ARHGEF7: variants seen among roughly 807,000 people sequenced by gnomAD.
ARHGEF7 encodes the protein Rho guanine nucleotide exchange factor 7, also known as PAK-interacting exchange factor beta.
Under a neutral mutation model 109.8 loss-of-function variants are expected in ARHGEF7, and 33 were observed. The observed-to-expected ratio is 0.30, with a 90% confidence interval of 0.23 to 0.40. The LOEUF is 0.40. Among genes scored for constraint, ARHGEF7 ranks in the 10% least tolerant of loss-of-function variants. The pLI is 1.00. For missense variants in ARHGEF7, 938 were observed against 1,098.5 expected, an observed-to-expected ratio of 0.85 and a Z score of 2.07; for synonymous variants, 458 against 424.6, an observed-to-expected ratio of 1.08 and a Z score of -0.97.
At chr13:111,195,355 T>C (rs533250588) in intron 2 of ARHGEF7, among the ~76,000 whole-genome samples, 8 of 152,326 alleles carry the variant, frequency 5.3e-5, no homozygotes, top group Admixed American at 1.3e-4. Context: ...TGTGGGACTT[T>C]CAGGCATAAC....
chr13:111,212,696 G>A (rs1480656804), intron 4 of ARHGEF7, among the ~76,000 whole-genome samples: 3 of 152,174 alleles, frequency 2.0e-5, no homozygotes, highest in African/African-American at 4.8e-5. Flanking sequence ...ACCAGTCACC[G>A]AGTGTATTTC....
intron 1 of ARHGEF7, among the ~76,000 whole-genome samples, chr13:111,143,251 A>C (rs984625572): frequency 1.3e-5 from 2 of 152,198 alleles, no homozygotes; most frequent in Non-Finnish European, 2.9e-5. Context: ...CCGGCAGAGA[A>C]CAGACTGCTT....
intron 8 of ARHGEF7, among the ~76,000 whole-genome samples, chr13:111,253,632 T>C (rs78442452): frequency 0.015 from 2,216 of 152,234 alleles, 31 homozygotes; most frequent in Admixed American, 0.031. Context: ...GCTCTTGAAA[T>C]AGTGAGGGTG....
chr13:111,207,680 G>C (rs1284137978), intron 3 of ARHGEF7, among the ~76,000 whole-genome samples: 3 of 152,236 alleles, frequency 2.0e-5, no homozygotes, highest in African/African-American at 7.2e-5. Context: ...TTAGGACGAA[G>C]TGGCTTTAGA....
Position 111,255,996 on chromosome 13 carries a change from T to C in ARHGEF7, c.951-11552T>C, listed in dbSNP as rs2090375621. ...TCATTCGTTGTCTGGATCTTTTTAA[T>C]GTCGATATTTTAATTATTTTTTTCC... On this transcript the variant is annotated intron_variant, in intron 8 of 21. Coordinates refer to ENST00000646102, the MANE Select transcript of ARHGEF7 (RefSeq NM_001354046.2). This position sits in a 1 kb window ranked among gnomAD's most constrained non-coding sequence, Gnocchi z 4.1. 6.6e-6 allele frequency among the ~76,000 whole-genome samples: 1 copy of C among 152,254 alleles called. No homozygotes were observed. Among genetic ancestry groups the C allele is most frequent in the African/African-American group, 2.4e-5 (1 of 41,472 alleles).
chr13:111,205,819 C>T (rs2081761984), intron 3 of ARHGEF7, among the ~76,000 whole-genome samples: 2 of 152,080 alleles, frequency 1.3e-5, no homozygotes, highest in African/African-American at 4.8e-5. Context: ...CTGTCCAGGG[C>T]TCCTGAGGGC....
chr13:111,248,691 T>C (rs1040620621), intron 8 of ARHGEF7, among the ~76,000 whole-genome samples: 1 of 152,248 alleles, frequency 6.6e-6, no homozygotes, highest in African/African-American at 2.4e-5. Flanking sequence ...AGAATTTGTT[T>C]CGCTTAAAAA....
In ARHGEF7 at chr13:111,155,954, G is replaced by C. The variant is rs539388303; in HGVS notation, c.252+1963G>C. ...ACAAAAATTAGCCCGGCGTGGTGGC[G>C]TGCACCTGTAGTTCCAGTTACTCAG... On this transcript the variant is annotated intron_variant, in intron 2 of 21. Transcript: ENST00000646102. Among the ~76,000 whole-genome samples, 122 of 152,046 alleles carry C rather than the reference G, an allele frequency of 8.0e-4. 1 individual carries two copies. Among genetic ancestry groups the C allele is most frequent in the African/African-American group, 2.8e-3 (117 of 41,456 alleles).
intron 1 of ARHGEF7, among the ~76,000 whole-genome samples, chr13:111,134,357 G>A (rs1354897981): frequency 6.6e-6 from 1 of 152,200 alleles, no homozygotes; most frequent in Admixed American, 6.5e-5. Context: ...AGATCCCTGA[G>A]GAATTGCCAC....
intron 5 of ARHGEF7, among the ~76,000 whole-genome samples, chr13:111,220,663 G>A (rs2083718561): frequency 1.3e-5 from 2 of 152,148 alleles, no homozygotes; most frequent in Admixed American, 6.5e-5. Context: ...CCGCTTTTGA[G>A]TGGACTGTGG....
chr13:111,224,360 G>A (rs946130751), intron 5 of ARHGEF7, among the ~76,000 whole-genome samples: 7 of 152,220 alleles, frequency 4.6e-5, no homozygotes, highest in Non-Finnish European at 5.9e-5. Flanking sequence ...TGGCACACAC[G>A]GTTAGCAGCT....
chr13:111,134,003 C>T (rs1010831969), intron 1 of ARHGEF7, among the ~76,000 whole-genome samples: 2 of 148,948 alleles, frequency 1.3e-5, no homozygotes, highest in Non-Finnish European at 3.0e-5. Flanking sequence ...CTTCCTGTGT[C>T]CAAGTGTTCT....
At chr13:111,137,115 C>T (rs539647708) in intron 1 of ARHGEF7, among the ~76,000 whole-genome samples, 1 of 152,264 alleles carries the variant, frequency 6.6e-6, no homozygotes, top group Non-Finnish European at 1.5e-5. Flanking sequence ...AGCTTACCAA[C>T]CAAAAAAAGT....
rs1232760160 is a variant in ARHGEF7, at chr13:111,115,355, G to T, written c.-172G>T. On this transcript the variant is annotated 5_prime_UTR_variant, in exon 1 of 22. Coordinates refer to ENST00000646102, the MANE Select transcript of ARHGEF7 (RefSeq NM_001354046.2). The stretch of plus-strand genomic sequence containing the variant: ...TGAGAAGGCGCCTGACAGCGGGCCG[G>T]GGCGCACGGAGAAGCGGGCCGGGCC... The T allele has an allele frequency of 3.7e-6, 1 of 270,196 alleles. No homozygotes were observed. Among genetic ancestry groups the T allele is most frequent in the South Asian group, 1.3e-4 (1 of 7,558 alleles). The allele number at this position is 270,196 out of a possible 1,614,324, so 16.7% of individuals were successfully genotyped here.
At chr13:111,297,683 G>A (rs1483031531) in intron 19 of ARHGEF7, among the ~76,000 whole-genome samples, 1 of 152,204 alleles carries the variant, frequency 6.6e-6, no homozygotes, top group African/African-American at 2.4e-5. Context: ...CACCACGAGG[G>A]GCGTCCTGGT....
In ARHGEF7 at chr13:111,244,255, T is replaced by G; in HGVS notation, c.911T>G (p.Phe304Cys). 6.2e-7 allele frequency: 1 copy of G among 1,610,550 alleles called. No individual in the cohort carries two copies. Among genetic ancestry groups the G allele is most frequent in the Non-Finnish European group, 8.5e-7 (1 of 1,178,860 alleles). The change falls in exon 8 of 22, where the codon TTC becomes TGC. Residue 304 changes from phenylalanine to cysteine, a missense_variant. This residue lies in a region of ARHGEF7 where 585 missense variants were observed against 723.6 expected (regional missense o/e 0.81). Transcript: ENST00000646102. ...GGAAATCTAGAAGAAATATGTTCTTTCCAGCAAATGCTCGTACAGTCTTTA... is the reference window on the plus strand; with the variant it reads ...GGAAATCTAGAAGAAATATGTTCTTGCCAGCAAATGCTCGTACAGTCTTTA... Reference protein sequence around the residue: ...LMGNLEEICSFQQMLVQSLEE... With the variant: ...LMGNLEEICSCQQMLVQSLEE...
chr13:111,274,895 C>A, intron 11 of ARHGEF7, 105 bp downstream of exon 11: 1 of 777,952 alleles, frequency 1.3e-6, no homozygotes, highest in Non-Finnish European at 1.8e-6. Context: ...ATGACTTGTG[C>A]TGACATGAAA....
chr13:111,255,641 A>G lies in ARHGEF7; in HGVS notation c.950+11347A>G, dbSNP rs1247358230. ...TTCGCACTGGCTTTGGAGGGCCCTGAGTGAGCTGGCTGGTGTTCGTGAAAG... is the reference window on the plus strand; with the variant it reads ...TTCGCACTGGCTTTGGAGGGCCCTGGGTGAGCTGGCTGGTGTTCGTGAAAG... On this transcript the variant is annotated intron_variant, in intron 8 of 21. Transcript: ENST00000646102. The surrounding 1 kb of genome is among the most constrained non-coding windows in gnomAD (Gnocchi z 4.1). Among the ~76,000 whole-genome samples the G allele has an allele frequency of 6.6e-6, 1 of 152,204 alleles. No homozygotes were observed. The highest frequency in any genetic ancestry group is 2.4e-5 in the African/African-American group (1 of 41,452).
chr13:111,266,810 G>A lies in ARHGEF7; in HGVS notation c.951-738G>A, dbSNP rs1334913396. On this transcript the variant is annotated intron_variant, in intron 8 of 21. Transcript: ENST00000646102. This position sits in a 1 kb window ranked among gnomAD's most constrained non-coding sequence, Gnocchi z 4.8. ...CAGGGAAGGTGGTAAGAGTTCACGT[G>A]GTTCTCCTGTTTTCAGCACACGTGC... 1 of 456,058 alleles carries A rather than the reference G, an allele frequency of 2.2e-6. No individual in the cohort carries two copies. Among genetic ancestry groups the A allele is most frequent in the South Asian group, 1.5e-5 (1 of 64,564 alleles). 28.3% of individuals were successfully genotyped at this position (456,058 alleles called of 1,614,324 possible). A position where few individuals can be genotyped will look rare whatever the true frequency, so the allele number is the denominator to read the frequency against.
Sources: allele counts gnomAD v4.1 joint callset (sites outside exome capture counted in the v4.1 genomes callset), GRCh38; gene constraint gnomAD v4.1.1; regional missense constraint gnomAD v4.1.1; non-coding constraint Gnocchi (gnomAD v3.1); transcripts MANE v1.5; gene names NCBI Gene and HGNC (gene_info 2026-07-23, HGNC 2026-07-21).